Variants in LSAMP observed in about 807,000 individuals in gnomAD.
LSAMP encodes the protein limbic system associated membrane protein.
In LSAMP, 7 loss-of-function variants were observed where a neutral mutation model predicts 38.6. The observed-to-expected ratio is 0.18, with a 90% CI of 0.10 to 0.34. The LOEUF is 0.34. Ranked by LOEUF, LSAMP falls within the 10% of genes least tolerant of loss-of-function variation. LSAMP has a pLI of 1.00. For synonymous variants in LSAMP, 154 were observed against 166.8 expected (o/e 0.92, Z 0.59); for missense variants, 313 against 420.0 (o/e 0.75, Z 2.23).
At chr3:116,439,305 C>T (rs1347836749) in intron 1 of LSAMP, among the ~76,000 whole-genome samples, 1 of 147,824 alleles carries the variant, frequency 6.8e-6, no homozygotes, top group Non-Finnish European at 1.5e-5. Context: ...CAGCATAGGT[C>T]CTGAGATTTT....
intron 1 of LSAMP, among the ~76,000 whole-genome samples, chr3:116,087,771 C>A (rs1708023989): frequency 1.3e-5 from 2 of 152,134 alleles, no homozygotes; most frequent in African/African-American, 4.8e-5. Context: ...AATATAAAGG[C>A]CAACTGTGTC....
intron 3 of LSAMP, among the ~76,000 whole-genome samples, chr3:115,895,548 T>C (rs1425394162): frequency 6.6e-6 from 1 of 152,072 alleles, no homozygotes; most frequent in African/African-American, 2.4e-5. Context: ...AAATAATTTT[T>C]CAGTATAAGA....
At chr3:116,265,814 CT>C (rs36116515) in intron 1 of LSAMP, among the ~76,000 whole-genome samples, 19,562 of 152,230 alleles carry the variant, frequency 0.13, 1,414 homozygotes, top group Admixed American at 0.19. Context: ...TGGCAGTTGT[CT>C]TTCCCTAATC....
chr3:115,896,058 A>G (rs1936721149), intron 3 of LSAMP, among the ~76,000 whole-genome samples: 1 of 151,962 alleles, frequency 6.6e-6, no homozygotes, highest in Non-Finnish European at 1.5e-5. Context: ...TGCTTGTGTG[A>G]GCTTTAAGTT....
At chr3:115,917,071 C>G (rs1937267310) in intron 3 of LSAMP, among the ~76,000 whole-genome samples, 1 of 152,200 alleles carries the variant, frequency 6.6e-6, no homozygotes, top group Admixed American at 6.5e-5. Flanking sequence ...GTTCCTGAAA[C>G]TTGCCTGGGG....
intron 1 of LSAMP, among the ~76,000 whole-genome samples, chr3:116,314,404 G>C (rs942555983): frequency 6.6e-6 from 1 of 152,188 alleles, no homozygotes; most frequent in African/African-American, 2.4e-5. Context: ...GAACTCATAG[G>C]CTGGTGGGAA....
intron 1 of LSAMP, among the ~76,000 whole-genome samples, chr3:116,220,184 A>C (rs1392402121): frequency 8.5e-6 from 1 of 118,314 alleles, no homozygotes; most frequent in African/African-American, 3.4e-5. Flanking sequence ...CTCCATCTCA[A>C]AACACACACA....
intron 1 of LSAMP, among the ~76,000 whole-genome samples, chr3:116,193,281 TCTC>T (rs1191916371): frequency 6.6e-6 from 1 of 152,162 alleles, no homozygotes; most frequent in African/African-American, 2.4e-5. Context: ...TTGTCCAACT[TCTC>T]CTCTGGTGTT....
chr3:115,849,145 A>G (rs915753889), intron 4 of LSAMP, among the ~76,000 whole-genome samples: 3 of 152,230 alleles, frequency 2.0e-5, no homozygotes, highest in African/African-American at 7.2e-5. Context: ...AGTCCTGTCT[A>G]TTGTCTAAAT....
At position 116,163,947 on chromosome 3, in the gene LSAMP, A is replaced by T. The variant is rs537287597; in HGVS notation, c.156-77391T>A. ...AATGCTTTTGCATTTGGAAATAAGG[A>T]TCATACATACATGTTGAGGAGTCTC... On this transcript the variant is annotated intron_variant, in intron 1 of 6. Coordinates refer to ENST00000490035, the MANE Select transcript of LSAMP (RefSeq NM_002338.5). Among the ~76,000 whole-genome samples, 32 of 152,320 alleles carry T rather than the reference A, an allele frequency of 2.1e-4. No individual in the cohort carries two copies. The South Asian group carries it at 5.8e-3, about 28-fold the overall frequency.
At chr3:116,389,954 G>T (rs1273392504) in intron 1 of LSAMP, among the ~76,000 whole-genome samples, 1 of 152,122 alleles carries the variant, frequency 6.6e-6, no homozygotes, top group Non-Finnish European at 1.5e-5. Flanking sequence ...GCTGCATAAT[G>T]TATAGTTAAA....
At chr3:115,834,428 G>A in intron 6 of LSAMP, 3 of 682,770 alleles carry the variant, frequency 4.4e-6, no homozygotes, top group Non-Finnish European at 6.8e-6. Flanking sequence ...TTTAAAAAAG[G>A]TTTAAGGGAA....
At chr3:116,420,170 TCA>T (rs761311355) in intron 1 of LSAMP, among the ~76,000 whole-genome samples, 26 of 151,948 alleles carry the variant, frequency 1.7e-4, no homozygotes, top group Non-Finnish European at 3.2e-4. Flanking sequence ...CGATCTCAGC[TCA>T]CTGCTACCTC....
intron 1 of LSAMP, among the ~76,000 whole-genome samples, chr3:116,191,509 G>C (rs1710754414): frequency 6.6e-6 from 1 of 152,078 alleles, no homozygotes; most frequent in Non-Finnish European, 1.5e-5. Flanking sequence ...AGCCCAGGAA[G>C]GTTAAGAACC....
chr3:115,817,600 T>G (rs1934073928), intron 6 of LSAMP, among the ~76,000 whole-genome samples: 1 of 152,174 alleles, frequency 6.6e-6, no homozygotes, highest in African/African-American at 2.4e-5. Flanking sequence ...GGACACCACT[T>G]TGAAGCTCAG....
At chr3:116,252,776 G>A (rs1396120323) in intron 1 of LSAMP, among the ~76,000 whole-genome samples, 2 of 152,120 alleles carry the variant, frequency 1.3e-5, no homozygotes, top group Non-Finnish European at 2.9e-5. Context: ...GTGTGGTTTC[G>A]GCTAGCTCCG....
chr3:116,211,084 C>T (rs138731671), intron 1 of LSAMP, among the ~76,000 whole-genome samples: 190 of 118,500 alleles, frequency 1.6e-3, no homozygotes, highest in African/African-American at 5.2e-3. Context: ...TAAAATAAGC[C>T]AATCACAGAA....
intron 1 of LSAMP, among the ~76,000 whole-genome samples, chr3:116,195,120 A>G (rs1358321188): frequency 1.3e-5 from 2 of 152,134 alleles, no homozygotes; most frequent in Non-Finnish European, 2.9e-5. Flanking sequence ...TGCCTTGGTC[A>G]TAGTCTTTGG....
At chr3:116,197,094 C>T (rs950535992) in intron 1 of LSAMP, among the ~76,000 whole-genome samples, 2 of 150,764 alleles carry the variant, frequency 1.3e-5, no homozygotes, top group South Asian at 2.1e-4. Context: ...AAATGGGGGT[C>T]CCCTGGTGAG....
Sources: allele counts gnomAD v4.1 joint callset (sites outside exome capture counted in the v4.1 genomes callset), GRCh38; gene constraint gnomAD v4.1.1; transcripts MANE v1.5; gene names NCBI Gene and HGNC (gene_info 2026-07-23, HGNC 2026-07-21).